The following CADM2 variants were observed in gnomAD, a reference collection of about 807,000 sequenced individuals.
The protein encoded by CADM2 is cell adhesion molecule 2, also known as immunoglobulin superfamily member 4D.
Under a neutral mutation model 49.8 loss-of-function variants are expected in CADM2, and 12 were observed. That is an observed-to-expected ratio of 0.24 (90% CI 0.15 to 0.39). CADM2 has a LOEUF of 0.39. CADM2 is among the 10% of genes least tolerant of loss of function. The pLI is 1.00. For synonymous variants in CADM2, 214 were observed against 175.4 expected (o/e 1.22, Z -1.74); for missense variants, 378 against 492.3 (o/e 0.77, Z 2.20).
chr3:85,500,836 T>G (rs973450680), intron 1 of CADM2, among the ~76,000 whole-genome samples: 1 of 152,106 alleles, frequency 6.6e-6, no homozygotes, highest in African/African-American at 2.4e-5. Context: ...TTACTTGATG[T>G]GAACACTTCC....
intron 1 of CADM2, among the ~76,000 whole-genome samples, chr3:85,569,095 C>A (rs1225738070): frequency 6.6e-6 from 1 of 152,140 alleles, no homozygotes; most frequent in Non-Finnish European, 1.5e-5. Flanking sequence ...TCTATCACCA[C>A]GAGGATCCCT....
intron 1 of CADM2, among the ~76,000 whole-genome samples, chr3:85,585,255 A>G (rs748094586): frequency 6.6e-6 from 1 of 151,870 alleles, no homozygotes; most frequent in Non-Finnish European, 1.5e-5. Context: ...TGTTCAAGTA[A>G]CCCTTACTGT....
At chr3:85,826,500 T>C (rs2073919025) in intron 3 of CADM2, among the ~76,000 whole-genome samples, 1 of 152,044 alleles carries the variant, frequency 6.6e-6, no homozygotes, top group Admixed American at 6.6e-5. Context: ...TTAGCATAGA[T>C]GCAAATGACA....
intron 7 of CADM2, among the ~76,000 whole-genome samples, chr3:85,938,011 T>C (rs11127914): frequency 0.31 from 47,662 of 151,914 alleles, 8,634 homozygotes; most frequent in East Asian, 0.42. Flanking sequence ...CCCTTTATCA[T>C]ATTTCCTTGC....
intron 3 of CADM2, among the ~76,000 whole-genome samples, chr3:85,835,612 A>T (rs575895892): frequency 8.3e-4 from 125 of 150,792 alleles, no homozygotes; most frequent in Non-Finnish European, 1.5e-3. Flanking sequence ...CATGTACTTT[A>T]TCTTTCATTG....
At chr3:85,753,772 A>T (rs780923872) in intron 2 of CADM2, among the ~76,000 whole-genome samples, 18 of 152,272 alleles carry the variant, frequency 1.2e-4, no homozygotes, top group Middle Eastern at 3.4e-3. Flanking sequence ...AGTGGCCGCG[A>T]ACTCGTATGC....
intron 1 of CADM2, among the ~76,000 whole-genome samples, chr3:85,555,640 GA>G (rs2061940304): frequency 6.6e-6 from 1 of 151,720 alleles, no homozygotes; most frequent in Non-Finnish European, 1.5e-5. Flanking sequence ...ATATTTCCTA[GA>G]AAAAATAATA....
intron 7 of CADM2, among the ~76,000 whole-genome samples, chr3:85,956,659 T>C (rs1286900170): frequency 6.6e-6 from 1 of 151,446 alleles, no homozygotes; most frequent in Non-Finnish European, 1.5e-5. Context: ...GAGGAAGTTT[T>C]TTTTTTTTTT....
rs1159523048 is a variant in CADM2, at chr3:85,321,143, T to A, written c.61+361475T>A. ...TTTTTTTTTTTTTTTTTTTTTTTTT[T>A]TTTTTTTTTTTTTTTTTTTTTTTGC... On this transcript the variant is annotated intron_variant, in intron 1 of 9. Transcript: ENST00000383699. Among the ~76,000 whole-genome samples the A allele has an allele frequency of 3.3e-3, 172 of 52,842 alleles. 7 individuals carry two copies. The highest frequency in any genetic ancestry group is 9.2e-3 in the South Asian group (12 of 1,298). The allele number at this position is 52,842 out of a possible 152,430, so 34.7% of individuals were successfully genotyped here.
intron 7 of CADM2, among the ~76,000 whole-genome samples, chr3:85,939,852 A>T (rs1721645421): frequency 6.7e-6 from 1 of 149,810 alleles, no homozygotes; most frequent in African/African-American, 2.5e-5. Flanking sequence ...CTATAAAAGA[A>T]GAAAGAATTT....
chr3:85,969,999 T>TCA (rs1261755519), intron 8 of CADM2, among the ~76,000 whole-genome samples: 1 of 136,244 alleles, frequency 7.3e-6, no homozygotes, highest in Non-Finnish European at 1.6e-5. Flanking sequence ...ACTCATACAC[T>TCA]CACACACACA....
At chr3:85,239,241 G>C (rs2107831569) in intron 1 of CADM2, among the ~76,000 whole-genome samples, 1 of 151,910 alleles carries the variant, frequency 6.6e-6, no homozygotes, top group Non-Finnish European at 1.5e-5. Flanking sequence ...AAGTAAATTA[G>C]GGTGCTTCAC....
At chr3:85,446,308 A>G (rs887335057) in intron 1 of CADM2, among the ~76,000 whole-genome samples, 1 of 152,168 alleles carries the variant, frequency 6.6e-6, no homozygotes, top group Non-Finnish European at 1.5e-5. Flanking sequence ...CAGAAGAGTT[A>G]TATATTCAGC....
At chr3:85,807,625 G>C (rs1009765053) in intron 3 of CADM2, among the ~76,000 whole-genome samples, 18 of 152,050 alleles carry the variant, frequency 1.2e-4, no homozygotes, top group African/African-American at 4.3e-4. Flanking sequence ...CAGTTGTCAT[G>C]TGTAGATATT....
In CADM2 at chr3:85,634,466, G is replaced by A. The variant is rs181653707; in HGVS notation, c.62-92056G>A. 2.0e-3 allele frequency among the ~76,000 whole-genome samples: 296 copies of A among 151,794 alleles called. 3 individuals carry two copies. The highest frequency in any genetic ancestry group is 7.0e-3 in the African/African-American group (288 of 41,430). On this transcript the variant is annotated intron_variant, in intron 1 of 9. Coordinates refer to ENST00000383699, the MANE Select transcript of CADM2 (RefSeq NM_001167675.2). ...GAAGTATATATAATTGAACCTAATT[G>A]CTGGTTCTAATTTATATGAACTTTT...
intron 1 of CADM2, among the ~76,000 whole-genome samples, chr3:85,350,965 C>A (rs2107236563): frequency 6.6e-6 from 1 of 152,060 alleles, no homozygotes; most frequent in South Asian, 2.1e-4. Flanking sequence ...AAAACATTTT[C>A]AAAGAACAAG....
chr3:85,532,438 A>G (rs955099230), intron 1 of CADM2, among the ~76,000 whole-genome samples: 1 of 152,120 alleles, frequency 6.6e-6, no homozygotes, highest in African/African-American at 2.4e-5. Context: ...CAGTATTTGT[A>G]TTTTAAATAT....
chr3:85,219,765 A>G (rs941717969), intron 1 of CADM2, among the ~76,000 whole-genome samples: 11 of 152,088 alleles, frequency 7.2e-5, no homozygotes, highest in South Asian at 2.1e-4. Flanking sequence ...TAAAGAAACT[A>G]TTTTCCATTT....
chr3:85,739,384 G>T (rs2068284923), intron 2 of CADM2, among the ~76,000 whole-genome samples: 1 of 152,016 alleles, frequency 6.6e-6, no homozygotes, highest in Non-Finnish European at 1.5e-5. Context: ...AATACATTTA[G>T]ATACATTCTA....
Sources: gnomAD v4.1 joint callset for allele counts (sites outside exome capture counted in the v4.1 genomes callset) on GRCh38, gnomAD v4.1.1 for gene constraint, MANE v1.5 for transcripts, NCBI Gene and HGNC (gene_info 2026-07-23, HGNC 2026-07-21) for gene names.